TTC39C: variants seen among roughly 807,000 people sequenced by gnomAD.
TTC39C encodes tetratricopeptide repeat domain 39C, also known as tetratricopeptide repeat protein 39C.
TTC39C carries 33 observed loss-of-function variants against 76.3 expected under a neutral mutation model. That is an observed-to-expected ratio of 0.43 (90% confidence interval 0.33 to 0.58). The LOEUF is 0.58. Ranked by LOEUF, TTC39C falls within the 20% of genes least tolerant of loss-of-function variation. The pLI is 0.04. For missense variants in TTC39C, 595 were observed against 701.4 expected, an observed-to-expected ratio of 0.85 and a Z score of 1.71; for synonymous variants, 254 against 260.6, an observed-to-expected ratio of 0.97 and a Z score of 0.24.
intron 6 of TTC39C, among the ~76,000 whole-genome samples, chr18:24,101,897 T>C (rs2084680750): frequency 1.3e-5 from 2 of 152,274 alleles, no homozygotes; most frequent in African/African-American, 4.8e-5. Context: ...TCTTTTAAAC[T>C]TACTGCTGTG....
chr18:24,043,996 G>A (rs1015957770), intron 1 of TTC39C, among the ~76,000 whole-genome samples: 1 of 151,976 alleles, frequency 6.6e-6, no homozygotes, highest in Non-Finnish European at 1.5e-5. Context: ...TTTCACCTAT[G>A]GGAATTAAAC....
At chr18:24,125,651 T>C in intron 10 of TTC39C, 101 bp downstream of exon 10, 1 of 1,495,542 alleles carries the variant, frequency 6.7e-7, no homozygotes, top group Non-Finnish European at 9.2e-7. Context: ...GTTTATCTCA[T>C]CGGAGTCAGG....
intron 13 of TTC39C, 43 bp from the exon 14 acceptor site, chr18:24,132,442 C>T: frequency 6.3e-7 from 1 of 1,575,400 alleles, no homozygotes; most frequent in Non-Finnish European, 8.7e-7. Context: ...CCTGTGCAAG[C>T]TTAGCTAACA....
At chr18:24,115,934 G>A (rs1035485864) in intron 7 of TTC39C, among the ~76,000 whole-genome samples, 3 of 152,190 alleles carry the variant, frequency 2.0e-5, no homozygotes, top group Non-Finnish European at 4.4e-5. Context: ...CCTTTTGTTG[G>A]TGCATCATTT....
chr18:24,110,895 C>T (rs2084800333), intron 6 of TTC39C, among the ~76,000 whole-genome samples: 1 of 152,108 alleles, frequency 6.6e-6, no homozygotes, highest in Non-Finnish European at 1.5e-5. Context: ...CACAGTGTGT[C>T]CAGGTATAGT....
chr18:24,020,548 T>C (rs1466151214), intron 1 of TTC39C, among the ~76,000 whole-genome samples: 1 of 152,198 alleles, frequency 6.6e-6, no homozygotes, highest in Non-Finnish European at 1.5e-5. Context: ...CCAAAATCTG[T>C]GGATGCTCAA....
chr18:24,015,076 C>T, intron 1 of TTC39C, 38 bp downstream of exon 1: 1 of 1,382,490 alleles, frequency 7.2e-7, no homozygotes, highest in Admixed American at 3.3e-5. Flanking sequence ...CCCTGCAGCG[C>T]GCACCTCGTG....
At chr18:24,100,917 G>A (rs2084665464) in intron 6 of TTC39C, among the ~76,000 whole-genome samples, 1 of 152,184 alleles carries the variant, frequency 6.6e-6, no homozygotes, top group Non-Finnish European at 1.5e-5. Context: ...AAGAGGTTCT[G>A]TGTTGGGTTA....
intron 4 of TTC39C, among the ~76,000 whole-genome samples, chr18:24,077,816 G>T (rs1369563903): frequency 6.6e-6 from 1 of 152,038 alleles, no homozygotes; most frequent in Non-Finnish European, 1.5e-5. Context: ...TGGCTTTTTG[G>T]ATTGTAACTG....
chr18:24,096,657 C>T (rs1337515535), intron 6 of TTC39C, among the ~76,000 whole-genome samples: 1 of 152,062 alleles, frequency 6.6e-6, no homozygotes, highest in Non-Finnish European at 1.5e-5. Context: ...TTTTCTCTTC[C>T]TGTCATTGAA....
intron 4 of TTC39C, among the ~76,000 whole-genome samples, chr18:24,079,273 A>G (rs972443095): frequency 1.3e-5 from 2 of 152,190 alleles, no homozygotes; most frequent in Non-Finnish European, 2.9e-5. Flanking sequence ...AGATAGTCCT[A>G]TGTAAGTTGA....
upstream of TTC39C, among the ~76,000 whole-genome samples, chr18:24,010,158 C>T (rs569465858): frequency 2.0e-5 from 3 of 152,312 alleles, no homozygotes; most frequent in Admixed American, 6.5e-5. Flanking sequence ...GAGCAACTGG[C>T]GCTGTCATGC....
At chr18:23,993,900 C>G (rs1003102488) in intron 1 of TTC39C, among the ~76,000 whole-genome samples, 8 of 152,172 alleles carry the variant, frequency 5.3e-5, no homozygotes, top group Non-Finnish European at 1.0e-4. Context: ...ACTGCAATTA[C>G]TTTTGCACCA....
chr18:24,005,389 A>G (rs1251815743), intron 1 of TTC39C, among the ~76,000 whole-genome samples: 1 of 152,164 alleles, frequency 6.6e-6, no homozygotes, highest in African/African-American at 2.4e-5. Context: ...TTTTTTTCAT[A>G]ATAAAATATT....
At chr18:24,096,434 A>C (rs1475418196) in intron 6 of TTC39C, among the ~76,000 whole-genome samples, 2 of 152,236 alleles carry the variant, frequency 1.3e-5, no homozygotes, top group African/African-American at 4.8e-5. Context: ...ACATATTCAC[A>C]TTGTTGTTAT....
chr18:24,050,229 C>T (rs8087345), intron 1 of TTC39C, among the ~76,000 whole-genome samples: 2 of 152,262 alleles, frequency 1.3e-5, no homozygotes, highest in Non-Finnish European at 2.9e-5. Flanking sequence ...TAAGGGACAC[C>T]CCTGCATTGC....
chr18:24,113,805 C>T (rs1008825900), intron 6 of TTC39C: 53 of 656,214 alleles, frequency 8.1e-5, no homozygotes, highest in Non-Finnish European at 1.1e-4. Flanking sequence ...GGCGGGAAAA[C>T]GAAATGTATT....
intron 4 of TTC39C, chr18:24,077,309 A>C (rs1473273259): frequency 2.0e-5 from 3 of 152,328 alleles, no homozygotes. Flanking sequence ...CCAAATTTCC[A>C]GTTAAGAATG....
At chr18:24,087,317 T>G (rs1405637675) in intron 6 of TTC39C, among the ~76,000 whole-genome samples, 1 of 152,198 alleles carries the variant, frequency 6.6e-6, no homozygotes, top group Non-Finnish European at 1.5e-5. Flanking sequence ...TCTCTGCTCT[T>G]TCTTCTTTAA....
Sources: gnomAD v4.1 joint callset for allele counts (sites outside exome capture counted in the v4.1 genomes callset) on GRCh38, gnomAD v4.1.1 for gene constraint, MANE v1.5 for transcripts, NCBI Gene and HGNC (gene_info 2026-07-23, HGNC 2026-07-21) for gene names.